ATP11C: variants seen among roughly 807,000 people sequenced by gnomAD.
The protein encoded by ATP11C is phospholipid-transporting ATPase IG.
In ATP11C, 36 loss-of-function variants were observed where a neutral mutation model predicts 97.4. The ratio of observed to expected loss-of-function variants is 0.37; its 90% CI spans 0.28 to 0.49. The LOEUF is 0.49. Among genes scored for constraint, ATP11C ranks in the 20% least tolerant of loss-of-function variants. The pLI is 0.98. For synonymous variants in ATP11C, 275 were observed against 290.9 expected (o/e 0.95, Z 0.56); for missense variants, 730 against 824.6 (o/e 0.89, Z 1.40).
At chrX:139,738,424 C>A (rs2069481550) in intron 27 of ATP11C, among the ~76,000 whole-genome samples, 1 of 111,601 alleles carries the variant, frequency 9.0e-6, no homozygotes, top group South Asian at 3.7e-4. Context: ...CATTTTATTT[C>A]CTCAGCTGTT....
intron 1 of ATP11C, among the ~76,000 whole-genome samples, chrX:139,834,639 T>C (rs1303222721): frequency 8.9e-6 from 1 of 112,452 alleles, no homozygotes; most frequent in Non-Finnish European, 1.9e-5. Flanking sequence ...TATTCAGTAA[T>C]GCCTTACATA....
intron 1 of ATP11C, among the ~76,000 whole-genome samples, chrX:139,909,066 G>T (rs901490640): frequency 8.9e-6 from 1 of 111,968 alleles, no homozygotes; most frequent in African/African-American, 3.2e-5. Flanking sequence ...CTGGGCACAT[G>T]GAACAATCTG....
At chrX:139,790,466 A>ACT (rs2082668599) in intron 12 of ATP11C, among the ~76,000 whole-genome samples, 1 of 69,998 alleles carries the variant, frequency 1.4e-5, no homozygotes, top group Admixed American at 1.7e-4. Flanking sequence ...TCTCTCACTC[A>ACT]CACACACACA....
intron 1 of ATP11C, among the ~76,000 whole-genome samples, chrX:139,895,893 T>G (rs888508286): frequency 1.8e-5 from 2 of 110,976 alleles, no homozygotes; most frequent in African/African-American, 6.6e-5. Flanking sequence ...TTTGCCATGT[T>G]TGAACTCCTG....
intron 20 of ATP11C, among the ~76,000 whole-genome samples, chrX:139,766,888 T>C (rs2082149806): frequency 9.0e-6 from 1 of 110,945 alleles, no homozygotes; most frequent in African/African-American, 3.3e-5. Flanking sequence ...TCATTATGAG[T>C]AAAATTTGTG....
At chrX:139,835,161 C>T (rs1160282732) in intron 1 of ATP11C, among the ~76,000 whole-genome samples, 1 of 111,909 alleles carries the variant, frequency 8.9e-6, no homozygotes, top group Non-Finnish European at 1.9e-5. Flanking sequence ...GTATTTGTGA[C>T]AATTTCTATC....
intron 24 of ATP11C, 121 bp from the exon 25 acceptor site, chrX:139,745,978 C>T: frequency 1.3e-6 from 1 of 783,319 alleles, no homozygotes; most frequent in East Asian, 3.4e-5. Context: ...CCTTAATGGC[C>T]TGACAGATTT....
chrX:139,812,297 T>C (rs1009639129), intron 5 of ATP11C, among the ~76,000 whole-genome samples: 1 of 111,962 alleles, frequency 8.9e-6, no homozygotes, highest in Non-Finnish European at 1.9e-5. Context: ...TTCACATTTA[T>C]TTAATCAAGA....
At chrX:139,850,738 C>T (rs1000446534) in intron 1 of ATP11C, among the ~76,000 whole-genome samples, 2 of 110,238 alleles carry the variant, frequency 1.8e-5, no homozygotes, top group African/African-American at 6.6e-5. Flanking sequence ...GATGGTGAAA[C>T]CCCGTCTACT....
chrX:139,825,151 G>T (rs1312773608), intron 2 of ATP11C, among the ~76,000 whole-genome samples: 1 of 110,954 alleles, frequency 9.0e-6, no homozygotes, highest in Non-Finnish European at 1.9e-5. Context: ...AGCAGCTACC[G>T]TTTGAGTTGT....
chrX:139,889,875 A>C (rs913139433), intron 1 of ATP11C, among the ~76,000 whole-genome samples: 25 of 112,305 alleles, frequency 2.2e-4, no homozygotes, highest in Non-Finnish European at 1.3e-4. Flanking sequence ...AAACAGGCTG[A>C]CAACAGAATA....
intron 10 of ATP11C, among the ~76,000 whole-genome samples, chrX:139,797,841 AG>A (rs2082834802): frequency 9.0e-6 from 1 of 111,668 alleles, no homozygotes; most frequent in African/African-American, 3.3e-5. Context: ...AACTGGCTTG[AG>A]GATCTACGAG....
chrX:139,852,399 G>GTGAGAA (rs1384372567), intron 1 of ATP11C, among the ~76,000 whole-genome samples: 2 of 89,041 alleles, frequency 2.2e-5, no homozygotes, highest in African/African-American at 8.0e-5. Flanking sequence ...GGCCTCAGGG[G>GTGAGAA]TGAGAAATCA....
At chrX:139,913,435 A>C (rs1304245402) in intron 1 of ATP11C, among the ~76,000 whole-genome samples, 1 of 112,005 alleles carries the variant, frequency 8.9e-6, no homozygotes, top group Non-Finnish European at 1.9e-5. Flanking sequence ...AAAAACCCAT[A>C]AACAGTGTCA....
intron 23 of ATP11C, among the ~76,000 whole-genome samples, chrX:139,753,838 A>G (rs2081875402): frequency 1.8e-5 from 2 of 110,843 alleles, no homozygotes; most frequent in African/African-American, 6.6e-5. Flanking sequence ...AAAGGGAAGA[A>G]AAGAAGAAGA....
chrX:139,742,646 A>T lies in ATP11C; in HGVS notation c.3030+913T>A, dbSNP rs958814778. Among the ~76,000 whole-genome samples the T allele has an allele frequency of 2.7e-5, 3 of 109,575 alleles. No individual in the cohort carries two copies. In the Admixed American group the frequency reaches 2.9e-4, roughly 11 times the overall value. On this transcript the variant is annotated intron_variant, in intron 26 of 29. Transcript: ENST00000682941. ...CAAAAATAATTTGATTATGCTTTCA[A>T]CTATAAGAGATTCCCAAATCATGGG...
chrX:139,838,085 T>C (rs1347126654), intron 1 of ATP11C, among the ~76,000 whole-genome samples: 1 of 112,029 alleles, frequency 8.9e-6, no homozygotes, highest in Non-Finnish European at 1.9e-5. Context: ...ATTTAACCAA[T>C]ACATATGTTC....
chrX:139,869,524 C>T (rs2084335949), intron 1 of ATP11C, among the ~76,000 whole-genome samples: 1 of 107,693 alleles, frequency 9.3e-6, no homozygotes, highest in African/African-American at 3.4e-5. Context: ...GTGGCTCACG[C>T]CTGTAATCCC....
chrX:139,727,442 A>T lies in ATP11C; in HGVS notation c.*1524T>A, dbSNP rs2081270507. 1 of 111,904 alleles carries T rather than the reference A, an allele frequency of 8.9e-6. No homozygotes were observed. Among genetic ancestry groups the T allele is most frequent in the African/African-American group, 3.2e-5 (1 of 30,780 alleles). 9.2% of individuals were successfully genotyped at this position (111,904 alleles called of 1,213,427 possible). ...CTGATATATGAGAGCAAATGAAATA[A>T]TGAAAAAGGGTCTATAATGATGGAA... On this transcript the variant is annotated 3_prime_UTR_variant, in exon 30 of 30. Transcript: ENST00000682941.
Sources: allele counts gnomAD v4.1 joint callset (sites outside exome capture counted in the v4.1 genomes callset), GRCh38; gene constraint gnomAD v4.1.1; transcripts MANE v1.5; gene names NCBI Gene and HGNC (gene_info 2026-07-23, HGNC 2026-07-21).